ZNF474: variants seen among roughly 807,000 people sequenced by gnomAD.
ZNF474 encodes 4933409D10Rik.
For synonymous variants in ZNF474, 192 were observed against 162.2 expected, an observed-to-expected ratio of 1.18 and a Z score of -1.39; for missense variants, 511 against 433.8, an observed-to-expected ratio of 1.18 and a Z score of -1.58.
intron 1 of ZNF474, among the ~76,000 whole-genome samples, chr5:122,132,557 G>T (rs1755601969): frequency 6.6e-6 from 1 of 151,758 alleles, no homozygotes; most frequent in Non-Finnish European, 1.5e-5. Flanking sequence ...TTTGTGTTTT[G>T]TCTAACAAAT....
Position 122,151,891 on chromosome 5 carries a change from C to A in ZNF474, c.-100C>A. ...GCTAAGGTACTGGCAACGGTGTGAA[C>A]CCCAGGACAACTAACCTCACTAACC... On this transcript the variant is annotated 5_prime_UTR_variant, in exon 2 of 2. Coordinates refer to ENST00000296600, the MANE Select transcript of ZNF474 (RefSeq NM_207317.3). 6.9e-7 allele frequency: 1 copy of A among 1,447,942 alleles called. No individual in the cohort carries two copies. The highest frequency in any genetic ancestry group is 1.4e-5 in the South Asian group (1 of 71,820). The allele number at this position is 1,447,942 out of a possible 1,614,324, so 89.7% of individuals were successfully genotyped here. A position where few individuals can be genotyped will look rare whatever the true frequency, so the allele number is the denominator to read the frequency against.
At chr5:122,134,318 G>A (rs1161139370) in intron 1 of ZNF474, among the ~76,000 whole-genome samples, 1 of 152,218 alleles carries the variant, frequency 6.6e-6, no homozygotes, top group African/African-American at 2.4e-5. Context: ...TTTGAGAGGA[G>A]ACTCTAACAG....
In ZNF474 at chr5:122,151,859, C is replaced by G. The variant is rs973746232; in HGVS notation, c.-132C>G. 6 of 1,113,522 alleles carry G rather than the reference C, an allele frequency of 5.4e-6. No individual in the cohort carries two copies. In the African/African-American group the frequency reaches 9.4e-5, roughly 17 times the overall value. 69.0% of individuals were successfully genotyped at this position (1,113,522 alleles called of 1,614,324 possible). A position where few individuals can be genotyped will look rare whatever the true frequency, so the allele number is the denominator to read the frequency against. On this transcript the variant is annotated 5_prime_UTR_variant, in exon 2 of 2. Coordinates refer to ENST00000296600, the MANE Select transcript of ZNF474 (RefSeq NM_207317.3). ...CTGCAATGAAGCTCTGAGTCACGGT[C>G]TGTGAGGCTAAGGTACTGGCAACGG...
At chr5:122,143,670 A>G (rs542910835) in intron 1 of ZNF474, among the ~76,000 whole-genome samples, 2 of 152,320 alleles carry the variant, frequency 1.3e-5, no homozygotes, top group East Asian at 3.9e-4. Context: ...AAATCCTGTA[A>G]TCCCCACAAG....
At position 122,141,320 on chromosome 5, in the gene ZNF474, T is replaced by G. The variant is rs1457776084; in HGVS notation, c.-212-10459T>G. 7.6e-4 allele frequency among the ~76,000 whole-genome samples: 106 copies of G among 138,630 alleles called. 1 individual carries two copies. The highest frequency in any genetic ancestry group is 2.6e-3 in the African/African-American group (96 of 36,388). The allele number at this position is 138,630 out of a possible 152,430, so 90.9% of individuals were successfully genotyped here. A position where few individuals can be genotyped will look rare whatever the true frequency, so the allele number is the denominator to read the frequency against. On this transcript the variant is annotated intron_variant, in intron 1 of 1. Transcript: ENST00000296600. ...TGGCTATTTTTTTTTTTTTTTTTTT[T>G]TTTTTGTGAGAGGGAGTCTCCCTCT...
chr5:122,145,207 T>A (rs1755957660), intron 1 of ZNF474, among the ~76,000 whole-genome samples: 1 of 152,236 alleles, frequency 6.6e-6, no homozygotes, highest in Non-Finnish European at 1.5e-5. Context: ...TTATTTATAA[T>A]CAGTCTAGAA....
At chr5:122,134,417 T>C (rs1755650272) in intron 1 of ZNF474, among the ~76,000 whole-genome samples, 1 of 152,192 alleles carries the variant, frequency 6.6e-6, no homozygotes, top group Admixed American at 6.5e-5. Context: ...TAACTTGATG[T>C]CTTAATGTTA....
chr5:122,149,920 TGAGAGA>T (rs369962675), intron 1 of ZNF474, among the ~76,000 whole-genome samples: 78 of 134,062 alleles, frequency 5.8e-4, no homozygotes, highest in African/African-American at 1.8e-3. Flanking sequence ...TGTGCGCGCG[TGAGAGA>T]GAGAGAGAGA....
rs749317064 is a variant in ZNF474 at position 122,152,587 on chromosome 5, A to G, written c.597A>G (p.Ser199=). The G allele has an allele frequency of 6.2e-7, 1 of 1,614,166 alleles. No individual in the cohort carries two copies. The highest frequency in any genetic ancestry group is 8.5e-7 in the Non-Finnish European group (1 of 1,180,032). ...GTGAGGGTCCCAGAGCACCACACTC[A>G]AACAGTTCTGATCATCTTACTGGCC... ...PKGEGPRAPH[S]NSSDHLTGLK... Residue 199 remains serine, a synonymous_variant, in exon 2 of 2, where the codon TCA becomes TCG. Coordinates refer to ENST00000296600, the MANE Select transcript of ZNF474 (RefSeq NM_207317.3).
Position 122,152,534 on chromosome 5 carries a change from G to GT in ZNF474, c.546dup (p.His183SerfsTer10), listed in dbSNP as rs1463922627. ...CACATTCTTGCCAGATCATCTTCTT[G>GT]TTCATCACAGAAGCTGCAAGCCAAA... On this transcript the variant is annotated frameshift_variant, in exon 2 of 2. Transcript: ENST00000296600. LOFTEE classifies it low-confidence loss of function (END_TRUNC). The GT allele has an allele frequency of 6.2e-7, 1 of 1,614,142 alleles. No individual in the cohort carries two copies. Among genetic ancestry groups the GT allele is most frequent in the Non-Finnish European group, 8.5e-7 (1 of 1,180,030 alleles).
In ZNF474 at chr5:122,152,507, C is replaced by T. The variant is rs773347249; in HGVS notation, c.517C>T (p.Arg173Cys). The T allele has an allele frequency of 5.5e-5, 89 of 1,614,058 alleles. No homozygotes were observed. Among genetic ancestry groups the T allele is most frequent in the Admixed American group, 1.0e-4 (6 of 59,996 alleles). ...GCTGCTGCCCTGTGAATCCTGTGGCCGCACATTCTTGCCAGATCATCTTCT... is the reference window on the plus strand; with the variant it reads ...GCTGCTGCCCTGTGAATCCTGTGGCTGCACATTCTTGCCAGATCATCTTCT... Reference protein sequence around the residue: ...AQLLPCESCGRTFLPDHLLVH... With the variant: ...AQLLPCESCGCTFLPDHLLVH... The change falls in exon 2 of 2, where the codon CGC becomes TGC. Residue 173 changes from arginine to cysteine, a missense_variant. Coordinates refer to ENST00000296600, the MANE Select transcript of ZNF474 (RefSeq NM_207317.3).
chr5:122,139,245 A>G (rs1755777287), intron 1 of ZNF474, among the ~76,000 whole-genome samples: 1 of 152,208 alleles, frequency 6.6e-6, no homozygotes, highest in African/African-American at 2.4e-5. Flanking sequence ...TGGGGCATTT[A>G]TGTGTGTTAA....
chr5:122,150,618 G>A (rs895733954), intron 1 of ZNF474, among the ~76,000 whole-genome samples: 7 of 152,200 alleles, frequency 4.6e-5, no homozygotes, highest in Middle Eastern at 3.4e-3. Context: ...TAAATGAAAC[G>A]ATAAAGGAAA....
At chr5:122,144,658 T>G (rs927806268) in intron 1 of ZNF474, among the ~76,000 whole-genome samples, 2 of 152,198 alleles carry the variant, frequency 1.3e-5, no homozygotes, top group Admixed American at 6.5e-5. Context: ...AAAAGACATA[T>G]TGGTATAGAG....
In ZNF474 at chr5:122,148,429, T is replaced by G. The variant is rs376247847; in HGVS notation, c.-212-3350T>G. 1.5e-3 allele frequency among the ~76,000 whole-genome samples: 236 copies of G among 152,350 alleles called. 2 individuals are homozygous for G. Among genetic ancestry groups the G allele is most frequent in the Middle Eastern group, 0.01 (3 of 294 alleles). On this transcript the variant is annotated intron_variant, in intron 1 of 1. Transcript: ENST00000296600. The stretch of plus-strand genomic sequence containing the variant: ...ATCGTGTTTGCTGCAGAGAAAATAT[T>G]TGCAGTGCACAAATGTTTGTGTGCG...
At chr5:122,147,953 G>C (rs530911716) in intron 1 of ZNF474, 1 of 152,282 alleles carries the variant, frequency 6.6e-6, no homozygotes, top group African/African-American at 2.4e-5. Flanking sequence ...TGCAGATATG[G>C]TCAAAACGAA....
Position 122,153,305 on chromosome 5 carries a change from C to A in ZNF474, c.*220C>A. The A allele has an allele frequency of 2.0e-6, 1 of 508,938 alleles. No individual in the cohort carries two copies. The highest frequency in any genetic ancestry group is 3.1e-5 in the East Asian group (1 of 31,960). The allele number at this position is 508,938 out of a possible 1,614,324, so 31.5% of individuals were successfully genotyped here. On this transcript the variant is annotated 3_prime_UTR_variant, in exon 2 of 2. Transcript: ENST00000296600. Reference sequence around the variant, plus strand: ...GTCTAAAAGAAGAAGAGATGGACTTCTTTCTTCCCTGATCCCTGATACAAA... The same window carrying A: ...GTCTAAAAGAAGAAGAGATGGACTTATTTCTTCCCTGATCCCTGATACAAA...
intron 1 of ZNF474, among the ~76,000 whole-genome samples, chr5:122,151,480 G>A (rs771478157): frequency 1.6e-4 from 25 of 151,932 alleles, no homozygotes; most frequent in African/African-American, 1.9e-4. Flanking sequence ...ATTGCTTTGC[G>A]TCTTCTGTAT....
At chr5:122,136,475 G>A (rs1320946906) in intron 1 of ZNF474, among the ~76,000 whole-genome samples, 2 of 152,118 alleles carry the variant, frequency 1.3e-5, no homozygotes, top group African/African-American at 2.4e-5. Flanking sequence ...CAAGTGACTA[G>A]CTGCTCGTAT....
Sources: allele counts gnomAD v4.1 joint callset (sites outside exome capture counted in the v4.1 genomes callset), GRCh38; gene constraint gnomAD v4.1.1; transcripts MANE v1.5; gene names NCBI Gene and HGNC (gene_info 2026-07-23, HGNC 2026-07-21).